The following CDK14 variants were observed in gnomAD, a reference collection of about 807,000 sequenced individuals.
CDK14 encodes the protein cyclin dependent kinase 14.
A neutral mutation model predicts 60.7 loss-of-function variants in CDK14; 34 were observed. The ratio of observed to expected loss-of-function variants is 0.56; its 90% CI spans 0.43 to 0.75. The LOEUF is 0.75. CDK14 is among the 30% of genes least tolerant of loss of function. CDK14 has a pLI of 0.00. For missense variants in CDK14, 482 were observed against 564.1 expected (o/e 0.85, Z 1.47); for synonymous variants, 197 against 203.7 (o/e 0.97, Z 0.28).
At chr7:91,171,560 A>G (rs917218247) in intron 14 of CDK14, among the ~76,000 whole-genome samples, 1 of 152,166 alleles carries the variant, frequency 6.6e-6, no homozygotes, top group Non-Finnish European at 1.5e-5. Flanking sequence ...CTTTCTTGAC[A>G]CTACATAATT....
At chr7:90,720,975 AT>A (rs1369791176) in intron 2 of CDK14, among the ~76,000 whole-genome samples, 5 of 152,094 alleles carry the variant, frequency 3.3e-5, no homozygotes, top group Non-Finnish European at 7.4e-5. Context: ...TAAGGGTTAA[AT>A]TTCATATGTA....
chr7:90,971,783 TAA>T (rs1794941934), intron 9 of CDK14, among the ~76,000 whole-genome samples: 1 of 152,160 alleles, frequency 6.6e-6, no homozygotes. Context: ...ACATAGTAAT[TAA>T]AGTGTATGAA....
chr7:90,937,427 A>G (rs1030008415), intron 8 of CDK14, among the ~76,000 whole-genome samples: 3 of 152,226 alleles, frequency 2.0e-5, no homozygotes, highest in Non-Finnish European at 4.4e-5. Flanking sequence ...CCACCTCCAC[A>G]ATCAAGTTTT....
intron 10 of CDK14, among the ~76,000 whole-genome samples, chr7:90,987,599 C>T (rs1235426610): frequency 6.6e-6 from 1 of 151,932 alleles, no homozygotes; most frequent in Non-Finnish European, 1.5e-5. Flanking sequence ...ATTTTATTTT[C>T]TCCACTGAAT....
At chr7:90,960,174 A>G (rs1450547894) in intron 9 of CDK14, among the ~76,000 whole-genome samples, 1 of 152,102 alleles carries the variant, frequency 6.6e-6, no homozygotes, top group Non-Finnish European at 1.5e-5. Context: ...AATTTTTAAA[A>G]TAGGGTTAAT....
At position 90,806,182 on chromosome 7, in the gene CDK14, C is replaced by T. The variant is rs1788826149; in HGVS notation, c.544+15530C>T. 2.6e-5 allele frequency among the ~76,000 whole-genome samples: 4 copies of T among 152,064 alleles called. No homozygotes were observed. In the South Asian group the frequency reaches 8.3e-4, roughly 32 times the overall value. ...GTGTAGGAGATAAAAGTTAAAACTTCTGGAAGGAAATCTGGTAGAAAATTT... is the reference window on the plus strand; with the variant it reads ...GTGTAGGAGATAAAAGTTAAAACTTTTGGAAGGAAATCTGGTAGAAAATTT... On this transcript the variant is annotated intron_variant, in intron 5 of 14. Coordinates refer to ENST00000380050, the MANE Select transcript of CDK14 (RefSeq NM_001287135.2).
At chr7:90,857,535 A>C (rs1790864774) in intron 5 of CDK14, among the ~76,000 whole-genome samples, 1 of 152,244 alleles carries the variant, frequency 6.6e-6, no homozygotes, top group Non-Finnish European at 1.5e-5. Context: ...TGGTGAAATA[A>C]ATTTAAAACA....
chr7:90,673,467 C>T (rs930549514), intron 2 of CDK14, among the ~76,000 whole-genome samples: 3 of 143,144 alleles, frequency 2.1e-5, no homozygotes, highest in African/African-American at 5.0e-5. Flanking sequence ...GGCACAATCA[C>T]AGCCCACCCG....
At chr7:91,206,941 G>T (rs1257877885) in intron 14 of CDK14, among the ~76,000 whole-genome samples, 3 of 152,156 alleles carry the variant, frequency 2.0e-5, no homozygotes, top group Admixed American at 1.3e-4. Context: ...GGAGTTAAAT[G>T]ATTTTAAGAG....
intron 2 of CDK14, among the ~76,000 whole-genome samples, chr7:90,717,818 T>A (rs1379246818): frequency 6.6e-6 from 1 of 152,052 alleles, no homozygotes; most frequent in Non-Finnish European, 1.5e-5. Context: ...GCCCGGTCTT[T>A]TGTGCTTTGG....
intron 10 of CDK14, among the ~76,000 whole-genome samples, chr7:90,998,038 CT>C (rs892808449): frequency 6.6e-6 from 1 of 152,100 alleles, no homozygotes; most frequent in African/African-American, 2.4e-5. Context: ...TACCAAAAAT[CT>C]TTTTTAGGCA....
chr7:90,781,896 G>A (rs926399050), intron 4 of CDK14, among the ~76,000 whole-genome samples: 3 of 152,106 alleles, frequency 2.0e-5, no homozygotes, highest in Admixed American at 6.6e-5. Context: ...ACTTGGTGAT[G>A]CGGGCTCTTT....
At chr7:91,052,984 T>G (rs768702911) in intron 11 of CDK14, among the ~76,000 whole-genome samples, 4 of 151,346 alleles carry the variant, frequency 2.6e-5, no homozygotes, top group Non-Finnish European at 5.9e-5. Flanking sequence ...CTTAGCTGTA[T>G]CAAGGCTTTG....
chr7:91,140,879 A>AT (rs954902223), intron 14 of CDK14, among the ~76,000 whole-genome samples: 5 of 151,982 alleles, frequency 3.3e-5, no homozygotes, highest in Non-Finnish European at 5.9e-5. Flanking sequence ...TATGATAGCC[A>AT]TTTTTTTGGT....
At chr7:90,931,343 C>A (rs1793585451) in intron 8 of CDK14, among the ~76,000 whole-genome samples, 2 of 152,324 alleles carry the variant, frequency 1.3e-5, no homozygotes, top group Admixed American at 6.5e-5. Flanking sequence ...ATGTTGAAGG[C>A]AGTAAAACAT....
At chr7:91,013,227 G>A (rs977607507) in intron 10 of CDK14, among the ~76,000 whole-genome samples, 2 of 152,152 alleles carry the variant, frequency 1.3e-5, no homozygotes, top group Non-Finnish European at 2.9e-5. Context: ...CCTGCCCACG[G>A]CCTCCCTTAG....
chr7:90,713,827 G>A (rs572393413), intron 2 of CDK14, among the ~76,000 whole-genome samples: 60 of 152,144 alleles, frequency 3.9e-4, no homozygotes, highest in African/African-American at 1.4e-3. Context: ...TTTATTTTCT[G>A]TGTGGCCTTG....
chr7:90,898,062 A>G (rs977588933), intron 6 of CDK14, among the ~76,000 whole-genome samples: 15 of 151,826 alleles, frequency 9.9e-5, no homozygotes, highest in African/African-American at 3.6e-4. Context: ...TTCATTCTCT[A>G]CTCATGTCTT....
intron 13 of CDK14, among the ~76,000 whole-genome samples, chr7:91,117,248 C>T (rs1034150342): frequency 5.3e-5 from 8 of 151,358 alleles, no homozygotes; most frequent in Admixed American, 1.3e-4. Flanking sequence ...ACATTCAGTT[C>T]TTCCACAGAC....
Sources: allele counts gnomAD v4.1 joint callset (sites outside exome capture counted in the v4.1 genomes callset), GRCh38; gene constraint gnomAD v4.1.1; transcripts MANE v1.5; gene names NCBI Gene and HGNC (gene_info 2026-07-23, HGNC 2026-07-21).